PXMP2: variants seen among roughly 807,000 people sequenced by gnomAD.
PXMP2 encodes 22 kDa peroxisomal membrane protein.
A neutral mutation model predicts 20.2 loss-of-function variants in PXMP2; 13 were observed. The ratio of observed to expected loss-of-function variants is 0.64; its 90% confidence interval spans 0.42 to 1.02. The LOEUF (loss-of-function observed/expected upper bound fraction) is 1.02. PXMP2 is among the 50% of genes least tolerant of loss of function. The probability of loss-of-function intolerance (pLI) is 0.00; values close to 1 mark genes in which losing one functional copy is unlikely to be tolerated. For synonymous variants in PXMP2, 113 were observed against 111.2 expected, an observed-to-expected ratio of 1.02 and a Z score of -0.10; for missense variants, 284 against 251.8, an observed-to-expected ratio of 1.13 and a Z score of -0.87.
intron 2 of PXMP2, 27 bp downstream of exon 2, chr12:132,690,403 A>C (rs748762699): frequency 6.4e-7 from 1 of 1,567,520 alleles, no homozygotes. Flanking sequence ...GGGTGGGTTT[A>C]CCTTGTAGCC....
At chr12:132,699,776 G>A (rs940749191) in intron 3 of PXMP2, among the ~76,000 whole-genome samples, 7 of 152,024 alleles carry the variant, frequency 4.6e-5, no homozygotes, top group African/African-American at 2.4e-5. Flanking sequence ...CTCTGTTGGG[G>A]GACGTTTAGG....
chr12:132,699,091 C>T (rs1481262318), intron 3 of PXMP2, among the ~76,000 whole-genome samples: 1 of 152,156 alleles, frequency 6.6e-6, no homozygotes, highest in Non-Finnish European at 1.5e-5. Flanking sequence ...TTCTCCCCGC[C>T]ACCTTTTCAA....
chr12:132,693,721 T>A (rs2043388085), intron 2 of PXMP2, among the ~76,000 whole-genome samples: 2 of 137,872 alleles, frequency 1.5e-5, no homozygotes, highest in East Asian at 2.2e-4. Context: ...AGTTAGTTAG[T>A]GAGCTCCCTT....
At chr12:132,702,848 G>A (rs74740007) in intron 4 of PXMP2, among the ~76,000 whole-genome samples, 8,549 of 152,254 alleles carry the variant, frequency 0.056, 324 homozygotes, top group Non-Finnish European at 0.082. Flanking sequence ...AGGGAGGAAA[G>A]GACCAGGGTG....
At chr12:132,701,942 T>C (rs1488080086) in intron 4 of PXMP2, among the ~76,000 whole-genome samples, 1 of 152,014 alleles carries the variant, frequency 6.6e-6, no homozygotes, top group African/African-American at 2.4e-5. Flanking sequence ...ATACAAAAAT[T>C]AGCCAGGCAT....
intron 3 of PXMP2, among the ~76,000 whole-genome samples, chr12:132,697,897 C>G (rs927213873): frequency 2.0e-5 from 3 of 152,198 alleles, no homozygotes; most frequent in African/African-American, 7.2e-5. Context: ...TTCACCTGCA[C>G]TCAGCAGGTG....
intron 3 of PXMP2, among the ~76,000 whole-genome samples, chr12:132,699,780 G>A (rs761540927): frequency 2.0e-5 from 3 of 152,026 alleles, no homozygotes; most frequent in South Asian, 2.1e-4. Flanking sequence ...GTTGGGGGAC[G>A]TTTAGGTTGA....
Position 132,704,809 on chromosome 12 carries a change from C to A in PXMP2, c.*122C>A. The A allele has an allele frequency of 1.1e-6, 1 of 939,856 alleles. No individual in the cohort carries two copies. Among genetic ancestry groups the A allele is most frequent in the Non-Finnish European group, 1.7e-6 (1 of 586,678 alleles). The allele number at this position is 939,856 out of a possible 1,614,324, so 58.2% of individuals were successfully genotyped here. Reference sequence around the variant, plus strand: ...CTCTAAATCAGGTGATTCAAGATGCCCAAAAATGATGGATAGAGAAACAGA... The same window carrying A: ...CTCTAAATCAGGTGATTCAAGATGCACAAAAATGATGGATAGAGAAACAGA... On this transcript the variant is annotated 3_prime_UTR_variant, in exon 5 of 5. Transcript: ENST00000317479.
intron 4 of PXMP2, 99 bp downstream of exon 4, chr12:132,701,468 T>TTTCTC: frequency 6.9e-7 from 1 of 1,446,212 alleles, no homozygotes; most frequent in East Asian, 2.4e-5. Flanking sequence ...CCCCTCTTCT[T>TTTCTC]TTCTCTTCTC....
intron 1 of PXMP2, among the ~76,000 whole-genome samples, chr12:132,690,019 A>G (rs974810043): frequency 6.6e-6 from 1 of 152,214 alleles, no homozygotes; most frequent in African/African-American, 2.4e-5. Context: ...GCCAAATTAT[A>G]GTATAACATC....
intron 2 of PXMP2, among the ~76,000 whole-genome samples, chr12:132,695,497 T>C (rs2043405094): frequency 6.6e-6 from 1 of 152,134 alleles, no homozygotes; most frequent in South Asian, 2.1e-4. Context: ...GAGCCTGCCT[T>C]CTAGGGGGGA....
At chr12:132,697,800 C>A (rs1350822815) in intron 3 of PXMP2, among the ~76,000 whole-genome samples, 1 of 152,160 alleles carries the variant, frequency 6.6e-6, no homozygotes, top group Non-Finnish European at 1.5e-5. Context: ...AAGTTTGAGA[C>A]CCCTACTGAT....
Position 132,701,480 on chromosome 12 carries a change from TCTTTC to T in PXMP2, c.519+112_519+116del, listed in dbSNP as rs1221499369. On this transcript the variant is annotated intron_variant, in intron 4 of 4. Coordinates refer to ENST00000317479, the MANE Select transcript of PXMP2 (RefSeq NM_018663.3). ...CCTCCCCTCTTCTTTTCTCTTCTCT[TCTTTC>T]TTTGGTAGTTTTCCGCTAGACTTAG... 2.1e-6 allele frequency: 3 copies of T among 1,396,880 alleles called. No individual in the cohort carries two copies. The African/African-American group carries it at 4.4e-5, about 20-fold the overall frequency. The allele number at this position is 1,396,880 out of a possible 1,614,324, so 86.5% of individuals were successfully genotyped here.
chr12:132,690,313 A>C lies in PXMP2; in HGVS notation c.173A>C (p.Lys58Thr), dbSNP rs1334053274. 1 of 1,614,084 alleles carries C rather than the reference A, an allele frequency of 6.2e-7. No homozygotes were observed. Among genetic ancestry groups the C allele is most frequent in the Non-Finnish European group, 8.5e-7 (1 of 1,179,996 alleles). ...GNFLAQMIEKKRKKENSRSLD... is the reference protein window; with the variant it reads ...GNFLAQMIEKTRKKENSRSLD... ...TTCCTGGCCCAGATGATTGAGAAGA[A>C]GCGGAAAAAAGAAAACTCTAGAAGT... The change falls in exon 2 of 5, where the codon AAG becomes ACG. Residue 58 changes from lysine to threonine, a missense_variant. Coordinates refer to ENST00000317479, the MANE Select transcript of PXMP2 (RefSeq NM_018663.3).
intron 2 of PXMP2, among the ~76,000 whole-genome samples, chr12:132,692,759 C>T (rs2043379061): frequency 9.8e-6 from 1 of 102,240 alleles, no homozygotes; most frequent in Non-Finnish European, 2.1e-5. Context: ...TAGTGAGCTC[C>T]CTTAGCTAGT....
chr12:132,703,435 G>A (rs867650547), intron 4 of PXMP2, among the ~76,000 whole-genome samples: 6 of 152,166 alleles, frequency 3.9e-5, no homozygotes, highest in Non-Finnish European at 7.4e-5. Context: ...GCAGCTCTGC[G>A]GGGTCCCCTA....
intron 2 of PXMP2, 108 bp from the exon 3 acceptor site, chr12:132,695,776 G>C: frequency 8.3e-7 from 1 of 1,204,394 alleles, no homozygotes; most frequent in Non-Finnish European, 1.2e-6. Flanking sequence ...CAATACTGAG[G>C]GACATCAGGA....
chr12:132,701,131 G>T, intron 3 of PXMP2, 119 bp from the exon 4 acceptor site: 1 of 1,415,394 alleles, frequency 7.1e-7, no homozygotes, highest in Non-Finnish European at 9.8e-7. Context: ...TGCTGTCTGC[G>T]TACACACAGA....
chr12:132,690,261 A>G lies in PXMP2; in HGVS notation c.123-2A>G, dbSNP rs199931154. 5.0e-6 allele frequency: 8 copies of G among 1,612,392 alleles called. No homozygotes were observed. Among genetic ancestry groups the G allele is most frequent in the Non-Finnish European group, 6.8e-6 (8 of 1,178,618 alleles). ...GTTTTCTGATGACCTCCCTCTCCAC[A>G]GTGGCATTTTGTCAGCACTTGGGAA... On this transcript the variant is annotated splice_acceptor_variant, in intron 1 of 4. Coordinates refer to ENST00000317479, the MANE Select transcript of PXMP2 (RefSeq NM_018663.3). LOFTEE classifies it high-confidence loss of function.
Sources: allele counts gnomAD v4.1 joint callset (sites outside exome capture counted in the v4.1 genomes callset), GRCh38; gene constraint gnomAD v4.1.1; transcripts MANE v1.5; gene names NCBI Gene and HGNC (gene_info 2026-07-23, HGNC 2026-07-21).